Variants in TTLL9 observed in about 807,000 individuals in gnomAD.
TTLL9 encodes probable tubulin polyglutamylase TTLL9.
Under a neutral mutation model 65.6 loss-of-function variants are expected in TTLL9, and 47 were observed. The observed-to-expected ratio is 0.72, with a 90% CI of 0.57 to 0.91. TTLL9 has a LOEUF of 0.91. Ranked by LOEUF, TTLL9 falls within the 40% of genes least tolerant of loss-of-function variation. TTLL9 has a pLI of 0.00. For synonymous variants in TTLL9, 179 were observed against 204.8 expected, an observed-to-expected ratio of 0.87 and a Z score of 1.07; for missense variants, 537 against 568.8, an observed-to-expected ratio of 0.94 and a Z score of 0.57.
At chr20:31,927,480 CAAAAAAAAAAAAAAAAA>C (rs777895091) in intron 10 of TTLL9, among the ~76,000 whole-genome samples, 3 of 54,198 alleles carry the variant, frequency 5.5e-5, no homozygotes, top group Non-Finnish European at 3.3e-5. Flanking sequence ...GACTCTGTCT[CAAAAAAAAAAAAAAAAA>C]AAAAAAAGAA....
intron 12 of TTLL9, among the ~76,000 whole-genome samples, chr20:31,935,232 G>A (rs2064090595): frequency 6.6e-6 from 1 of 152,162 alleles, no homozygotes; most frequent in African/African-American, 2.4e-5. Flanking sequence ...CTTTGAAGAT[G>A]CAAAGAGCCA....
chr20:31,871,249 T>C (rs1340384910), intron 2 of TTLL9, 54 bp downstream of exon 2: 1 of 1,574,366 alleles, frequency 6.4e-7, no homozygotes, highest in African/African-American at 1.4e-5. Flanking sequence ...GGAGACTACA[T>C]CAGGATGTAT....
intron 10 of TTLL9, 61 bp downstream of exon 10, chr20:31,926,152 T>C (rs2063903292): frequency 2.6e-6 from 3 of 1,158,706 alleles, no homozygotes; most frequent in Admixed American, 1.8e-5. Context: ...GGTGATTCCA[T>C]GGGAGAGGCC....
intron 10 of TTLL9, among the ~76,000 whole-genome samples, chr20:31,929,109 A>T (rs766996950): frequency 1.3e-5 from 2 of 152,126 alleles, no homozygotes; most frequent in African/African-American, 4.8e-5. Flanking sequence ...TAGGCTCAAG[A>T]GTGTGACCTT....
chr20:31,884,785 A>G (rs1269030360), intron 2 of TTLL9, among the ~76,000 whole-genome samples: 1 of 152,254 alleles, frequency 6.6e-6, no homozygotes, highest in Non-Finnish European at 1.5e-5. Context: ...CCCAAAAAAT[A>G]CAAAATAATC....
At position 31,939,199 on chromosome 20, in the gene TTLL9, T is replaced by C. The variant is rs938060429; in HGVS notation, c.1176T>C (p.Pro392=). Reference sequence around the variant, plus strand: ...TTGACCTCATGTGGAATGATGGCCCTGTTAGCAGAGAGGAGGGGGCTCCTG... The same window carrying C: ...TTGACCTCATGTGGAATGATGGCCCCGTTAGCAGAGAGGAGGGGGCTCCTG... ...GGFDLMWNDG[P]VSREEGAPDL... Residue 392 remains proline (P), a synonymous_variant, in exon 14 of 15, where the codon CCT becomes CCC. Coordinates refer to ENST00000535842, the MANE Select transcript of TTLL9 (RefSeq NM_001008409.5). 21 of 1,612,394 alleles carry C rather than the reference T, an allele frequency of 1.3e-5. No individual in the cohort carries two copies. In the African/African-American group the frequency reaches 1.7e-4, roughly 13 times the overall value.
At chr20:31,885,107 G>A (rs1377715463) in intron 2 of TTLL9, among the ~76,000 whole-genome samples, 1 of 152,184 alleles carries the variant, frequency 6.6e-6, no homozygotes, top group Admixed American at 6.5e-5. Flanking sequence ...GGAAGGCTCA[G>A]TACTTTATAA....
chr20:31,923,424 G>A (rs1214793237), intron 8 of TTLL9, among the ~76,000 whole-genome samples: 1 of 152,190 alleles, frequency 6.6e-6, no homozygotes, highest in Non-Finnish European at 1.5e-5. Context: ...CAATAAACCA[G>A]AATACAAACC....
intron 12 of TTLL9, among the ~76,000 whole-genome samples, chr20:31,935,871 G>C (rs1447705524): frequency 6.6e-6 from 1 of 152,194 alleles, no homozygotes; most frequent in Non-Finnish European, 1.5e-5. Flanking sequence ...GACAAGAGGG[G>C]TCCAGCCCTG....
chr20:31,926,387 A>C (rs77183160), intron 10 of TTLL9, among the ~76,000 whole-genome samples: 10,143 of 152,310 alleles, frequency 0.067, 387 homozygotes, highest in Middle Eastern at 0.21. Context: ...AGAGACCAAA[A>C]ATTTGATAAC....
intron 2 of TTLL9, among the ~76,000 whole-genome samples, chr20:31,880,923 TG>T (rs1310018876): frequency 3.3e-5 from 5 of 151,218 alleles, no homozygotes; most frequent in African/African-American, 1.2e-4. Flanking sequence ...GGTGTTATCT[TG>T]GCTCAGTCGA....
At chr20:31,895,757 C>A (rs2063374929) in intron 3 of TTLL9, among the ~76,000 whole-genome samples, 1 of 151,638 alleles carries the variant, frequency 6.6e-6, no homozygotes, top group Non-Finnish European at 1.5e-5. Context: ...AAAAGGAATG[C>A]AGCCATGCCA....
chr20:31,870,926 CAG>C lies in TTLL9; in HGVS notation c.-26_-25del, dbSNP rs2062916320. ...TGATCGCCGAGGGCTCTCTGCTCTT[CAG>C]AGTCTGCTTGGAACGGGATAAGTGG... is the stretch of plus-strand genomic sequence containing the variant. On this transcript the variant is annotated 5_prime_UTR_variant, in exon 1 of 15. An upstream open reading frame in the 5' UTR loses its in-frame stop. Transcript: ENST00000535842. This position sits in a 1 kb window ranked among gnomAD's most constrained non-coding sequence, Gnocchi z 6.6. 1.6e-6 allele frequency: 1 copy of C among 618,852 alleles called. No individual in the cohort carries two copies. Among genetic ancestry groups the C allele is most frequent in the South Asian group, 1.9e-5 (1 of 52,956 alleles). 38.3% of individuals were successfully genotyped at this position (618,852 alleles called of 1,614,324 possible). A position where few individuals can be genotyped will look rare whatever the true frequency, so the allele number is the denominator to read the frequency against.
chr20:31,901,687 T>C (rs971474252), intron 4 of TTLL9, among the ~76,000 whole-genome samples: 1 of 152,228 alleles, frequency 6.6e-6, no homozygotes, highest in African/African-American at 2.4e-5. Context: ...CAGTCCCTGC[T>C]CTTCCCAGTG....
chr20:31,923,091 TG>T, intron 8 of TTLL9, 38 bp downstream of exon 8: 3 of 1,503,042 alleles, frequency 2.0e-6, no homozygotes, highest in Non-Finnish European at 1.9e-6. Context: ...TTCCATTGCA[TG>T]GTCATCAAAC....
chr20:31,912,983 C>A (rs1045620189), intron 6 of TTLL9, among the ~76,000 whole-genome samples: 4 of 151,970 alleles, frequency 2.6e-5, no homozygotes, highest in African/African-American at 9.7e-5. Flanking sequence ...CATAGCAAGA[C>A]TTAGTCTCTA....
At chr20:31,925,573 C>CTGAA (rs2063887593) in intron 9 of TTLL9, among the ~76,000 whole-genome samples, 3 of 152,182 alleles carry the variant, frequency 2.0e-5, no homozygotes, top group African/African-American at 7.2e-5. Context: ...TTCCTTCATC[C>CTGAA]AGCCAATGTT....
rs149411490 is a variant in TTLL9, at chr20:31,926,431, G to A, written c.748+340G>A. Among the ~76,000 whole-genome samples the A allele has an allele frequency of 1.2e-4, 18 of 152,290 alleles. No homozygotes were observed. The Middle Eastern group carries it at 0.01, about 86-fold the overall frequency. On this transcript the variant is annotated intron_variant, in intron 10 of 14. Transcript: ENST00000535842. ...CTGGCGAGGCTGGGAGAATACATACGTTGCTGGCGGGATTGTAAATTGATT... is the reference window on the plus strand; with the variant it reads ...CTGGCGAGGCTGGGAGAATACATACATTGCTGGCGGGATTGTAAATTGATT...
rs1333269602 is a variant in TTLL9 at position 31,873,840 on chromosome 20, G to GAA, written c.69+2647_69+2648dup. Among the ~76,000 whole-genome samples the GAA allele has an allele frequency of 5.4e-3, 703 of 129,178 alleles. 14 individuals carry two copies. The highest frequency in any genetic ancestry group is 0.036 in the Admixed American group (478 of 13,350). 84.7% of individuals were successfully genotyped at this position (129,178 alleles called of 152,430 possible). A position where few individuals can be genotyped will look rare whatever the true frequency, so the allele number is the denominator to read the frequency against. On this transcript the variant is annotated intron_variant, in intron 2 of 14. Transcript: ENST00000535842. ...AGGAAGGAAGAAAGAAAGAAAGAAA[G>GAA]AAAGAAAGAAAGAAAGAAAGAAAGA...
Sources: allele counts gnomAD v4.1 joint callset (sites outside exome capture counted in the v4.1 genomes callset), GRCh38; gene constraint gnomAD v4.1.1; non-coding constraint Gnocchi (gnomAD v3.1); transcripts MANE v1.5; gene names NCBI Gene and HGNC (gene_info 2026-07-23, HGNC 2026-07-21).